Variants in SPMIP2 observed in about 807,000 individuals in gnomAD.
SPMIP2 encodes protein SPMIP2.
At chr4:159,076,484 T>C in the SPMIP2 span, among the ~76,000 whole-genome samples, 18 of 152,104 alleles carry the variant, frequency 1.2e-4, no homozygotes, top group Admixed American at 9.8e-4. Context: ...AAACCCAGCA[T>C]ATTATGAAAA....
At chr4:158,999,212 A>G in the SPMIP2 span, among the ~76,000 whole-genome samples, 3 of 152,114 alleles carry the variant, frequency 2.0e-5, no homozygotes, top group African/African-American at 7.2e-5. Context: ...AAACCCATTG[A>G]CTTAATAGTA....
chr4:159,017,176 A>AC, the SPMIP2 span, among the ~76,000 whole-genome samples: 1 of 152,160 alleles, frequency 6.6e-6, no homozygotes, highest in South Asian at 2.1e-4. Context: ...GGCAAAGAAA[A>AC]AGTGAGCAAA....
At chr4:159,082,502 C>T in the SPMIP2 span, among the ~76,000 whole-genome samples, 1 of 93,476 alleles carries the variant, frequency 1.1e-5, no homozygotes, top group African/African-American at 3.8e-5. Flanking sequence ...TGTTTTGAAC[C>T]TGAAAGGCAG....
the SPMIP2 span, among the ~76,000 whole-genome samples, chr4:158,898,629 GCTCT>G: frequency 2.6e-5 from 4 of 152,118 alleles, no homozygotes; most frequent in South Asian, 2.1e-4. Flanking sequence ...TTGTGATTTG[GCTCT>G]CTGTCTGTTA....
At chr4:159,006,029 G>T in the SPMIP2 span, among the ~76,000 whole-genome samples, 1 of 152,160 alleles carries the variant, frequency 6.6e-6, no homozygotes, top group Non-Finnish European at 1.5e-5. Context: ...CCTCCCAAAG[G>T]CTGGGGTTAC....
the SPMIP2 span, among the ~76,000 whole-genome samples, chr4:158,993,801 C>T: frequency 6.6e-6 from 1 of 152,194 alleles, no homozygotes; most frequent in Non-Finnish European, 1.5e-5. Flanking sequence ...ATCTTCTACA[C>T]AGCTGCCAAG....
At chr4:158,933,317 G>A in the SPMIP2 span, among the ~76,000 whole-genome samples, 1 of 152,196 alleles carries the variant, frequency 6.6e-6, no homozygotes, top group Non-Finnish European at 1.5e-5. Flanking sequence ...TGATTTTGAT[G>A]ATTTTTGCCA....
the SPMIP2 span, among the ~76,000 whole-genome samples, chr4:158,993,522 T>C: frequency 6.6e-6 from 1 of 152,218 alleles, no homozygotes; most frequent in Non-Finnish European, 1.5e-5. Context: ...ACTGGGATTC[T>C]CTGCAGTTTC....
At chr4:158,951,865 GT>G in the SPMIP2 span, among the ~76,000 whole-genome samples, 1 of 152,192 alleles carries the variant, frequency 6.6e-6, no homozygotes, top group Non-Finnish European at 1.5e-5. Context: ...ACCTTGAGTA[GT>G]TTTCCATACA....
the SPMIP2 span, among the ~76,000 whole-genome samples, chr4:158,955,084 A>G: frequency 6.6e-6 from 1 of 152,204 alleles, no homozygotes; most frequent in Admixed American, 6.5e-5. Flanking sequence ...ACTTAAAACA[A>G]GAGTACATTT....
At chr4:158,921,041 C>G in the SPMIP2 span, among the ~76,000 whole-genome samples, 6 of 152,208 alleles carry the variant, frequency 3.9e-5, no homozygotes, top group Non-Finnish European at 7.3e-5. Context: ...CCAGCTGACA[C>G]TTATGGAAAA....
chr4:159,072,782 A>G, the SPMIP2 span, among the ~76,000 whole-genome samples: 1 of 152,208 alleles, frequency 6.6e-6, no homozygotes, highest in Non-Finnish European at 1.5e-5. Context: ...AATTCTTCAG[A>G]GAAACTACTT....
chr4:159,055,261 T>C, the SPMIP2 span, among the ~76,000 whole-genome samples: 1 of 152,234 alleles, frequency 6.6e-6, no homozygotes, highest in Non-Finnish European at 1.5e-5. Context: ...GGGTGCTCTA[T>C]AAGTGTTTGA....
the SPMIP2 span, among the ~76,000 whole-genome samples, chr4:159,081,969 G>T: frequency 6.6e-6 from 1 of 152,032 alleles, no homozygotes; most frequent in Non-Finnish European, 1.5e-5. Context: ...AGACTCTGCT[G>T]AAACTCAACA....
the SPMIP2 span, among the ~76,000 whole-genome samples, chr4:159,012,628 G>A: frequency 6.6e-6 from 1 of 151,822 alleles, no homozygotes; most frequent in African/African-American, 2.4e-5. Flanking sequence ...CTGGAGTGCA[G>A]TGGTGCCATC....
the SPMIP2 span, among the ~76,000 whole-genome samples, chr4:158,916,392 GC>G: frequency 6.6e-6 from 1 of 152,170 alleles, no homozygotes; most frequent in Non-Finnish European, 1.5e-5. Context: ...TCTCAGTGAA[GC>G]AAGAGTGTGA....
the SPMIP2 span, among the ~76,000 whole-genome samples, chr4:158,947,264 C>T: frequency 1.3e-5 from 2 of 152,078 alleles, no homozygotes; most frequent in Admixed American, 1.3e-4. Flanking sequence ...AGGAAAACAA[C>T]TCCAAGAAAA....
the SPMIP2 span, among the ~76,000 whole-genome samples, chr4:158,894,999 A>G: frequency 6.6e-6 from 1 of 152,206 alleles, no homozygotes; most frequent in Non-Finnish European, 1.5e-5. Flanking sequence ...TACCCTTGCC[A>G]AAGCCATCAG....
chr4:159,000,986 G>A, the SPMIP2 span, among the ~76,000 whole-genome samples: 1 of 152,024 alleles, frequency 6.6e-6, no homozygotes, highest in Non-Finnish European at 1.5e-5. Context: ...ATCTTTTTAT[G>A]GACATTTGTT....
Sources: gnomAD v4.1 joint callset for allele counts (sites outside exome capture counted in the v4.1 genomes callset) on GRCh38, gnomAD v4.1.1 for gene constraint, MANE v1.5 for transcripts, NCBI Gene and HGNC (gene_info 2026-07-23, HGNC 2026-07-21) for gene names.